INPP5J: variants seen among roughly 807,000 people sequenced by gnomAD.
INPP5J encodes inositol polyphosphate-5-phosphatase J.
In INPP5J, 75 loss-of-function variants were observed where a neutral mutation model predicts 86.6. The ratio of observed to expected loss-of-function variants is 0.87; its 90% confidence interval spans 0.72 to 1.05. The LOEUF (loss-of-function observed/expected upper bound fraction) is 1.05, where lower values mean the gene tolerates loss of function less well. Among genes scored for constraint, INPP5J ranks in the 50% least tolerant of loss-of-function variants. INPP5J has a pLI of 0.00. For missense variants in INPP5J, 1,229 were observed against 1,341.2 expected, an observed-to-expected ratio of 0.92 and a Z score of 1.31; for synonymous variants, 540 against 550.0, an observed-to-expected ratio of 0.98 and a Z score of 0.25.
chr22:31,129,231 A>AATTTT, intron 9 of INPP5J, among the ~76,000 whole-genome samples: 1 of 59,062 alleles, frequency 1.7e-5, no homozygotes, highest in East Asian at 8.5e-4. Context: ...TGTCTGGCCA[A>AATTTT]CTTTTTTTTT....
intron 9 of INPP5J, among the ~76,000 whole-genome samples, chr22:31,130,116 C>T (rs983183228): frequency 2.0e-5 from 3 of 151,536 alleles, no homozygotes; most frequent in African/African-American, 4.9e-5. Context: ...CTGATGTGGG[C>T]GGATCACATG....
rs756049931 is a variant in INPP5J at position 31,125,840 on chromosome 22, C to T, written c.1101C>T (p.Asp367=). ...NRSPCVPPAP[D]MALPRLGTQS... ...CTCCCTGTGTTCCCCCAGCCCCTGA[C>T]ATGGCCCTCCCAAGGCTTGGCACAC... is the stretch of plus-strand genomic sequence containing the variant. Residue 367 remains aspartate, a synonymous_variant, in exon 2 of 13, where the codon GAC becomes GAT. Coordinates refer to ENST00000331075, the MANE Select transcript of INPP5J (RefSeq NM_001284285.2). 2.5e-6 allele frequency: 4 copies of T among 1,608,948 alleles called. No homozygotes were observed. The East Asian group carries it at 8.9e-5, about 36-fold the overall frequency.
intron 3 of INPP5J, 23 bp downstream of exon 3, chr22:31,126,512 C>T (rs533261241): frequency 1.9e-6 from 3 of 1,608,502 alleles, no homozygotes; most frequent in Non-Finnish European, 2.6e-6. Context: ...GGCATGTGGA[C>T]CCCCTCCTGA....
chr22:31,124,418 GC>G (rs1469054365), intron 1 of INPP5J, among the ~76,000 whole-genome samples: 1 of 152,194 alleles, frequency 6.6e-6, no homozygotes. Flanking sequence ...AAAGAAACAG[GC>G]TGTCCCCAGT....
At position 31,128,607 on chromosome 22, in the gene INPP5J, T is replaced by C; in HGVS notation, c.2146T>C (p.Tyr716His). 1 of 1,610,960 alleles carries C rather than the reference T, an allele frequency of 6.2e-7. No homozygotes were observed. Among genetic ancestry groups the C allele is most frequent in the Non-Finnish European group, 8.5e-7 (1 of 1,178,610 alleles). Residue 716 changes from tyrosine (Y) to histidine (H), a missense_variant, in exon 9 of 13, where the codon TAC (tyrosine) becomes CAC (histidine). Tyr to His is a moderately conservative substitution (Grantham distance 83, BLOSUM62 2). Coordinates refer to ENST00000331075, the MANE Select transcript of INPP5J (RefSeq NM_001284285.2). ...TQHSYRSHME[Y>H]TVSDHKPVAA... The stretch of plus-strand genomic sequence containing the variant: ...GCACAGCTACCGCAGCCACATGGAA[T>C]ACACAGTCAGCGACCACAAGCCTGT...
At position 31,123,134 on chromosome 22, in the gene INPP5J, AC is replaced by A; in HGVS notation, c.105+18del. 6.9e-7 allele frequency: 1 copy of A among 1,441,150 alleles called. No homozygotes were observed. Among genetic ancestry groups the A allele is most frequent in the Non-Finnish European group, 9.2e-7 (1 of 1,090,696 alleles). 89.3% of individuals were successfully genotyped at this position (1,441,150 alleles called of 1,614,324 possible). ...CACCCTCCAAGGTAAGACCCCTGAG[AC>A]CCAGTGCCCCCCGCTTTCCTGATCC... On this transcript the variant is annotated intron_variant, in intron 1 of 12. Coordinates refer to ENST00000331075, the MANE Select transcript of INPP5J (RefSeq NM_001284285.2).
intron 9 of INPP5J, among the ~76,000 whole-genome samples, chr22:31,131,300 C>G (rs1922042613): frequency 1.3e-5 from 2 of 152,186 alleles, no homozygotes; most frequent in African/African-American, 2.4e-5. Context: ...TGCAGTGGCT[C>G]ACGCCTGTAA....
chr22:31,128,718 CT>C, intron 9 of INPP5J, 64 bp downstream of exon 9: 13 of 1,371,504 alleles, frequency 9.5e-6, no homozygotes, highest in South Asian at 2.7e-5. Context: ...ACCACTGCCC[CT>C]CACCATTACC....
rs1357159968 is a variant in INPP5J at position 31,125,444 on chromosome 22, T to C, written c.705T>C (p.Ala235=). 1 of 1,550,460 alleles carries C rather than the reference T, an allele frequency of 6.4e-7. No individual in the cohort carries two copies. Among genetic ancestry groups the C allele is most frequent in the Non-Finnish European group, 8.7e-7 (1 of 1,146,978 alleles). ...CAGCCTCTGTGGGACAGACATCAGC[T>C]AGAAAGAGGGATGCCCCAGCCCCTA... ...SGAASVGQTS[A]RKRDAPAPRP... Residue 235 remains alanine, a synonymous_variant, in exon 2 of 13, where the codon GCT becomes GCC. Transcript: ENST00000331075.
intron 9 of INPP5J, 144 bp from the exon 10 acceptor site, chr22:31,132,954 T>C: frequency 9.3e-7 from 1 of 1,079,982 alleles, no homozygotes; most frequent in Non-Finnish European, 1.3e-6. Flanking sequence ...GTATTTATAC[T>C]AGACCTGTTC....
At position 31,126,972 on chromosome 22, in the gene INPP5J, T is replaced by C; in HGVS notation, c.1546T>C (p.Tyr516His). The C allele has an allele frequency of 2.5e-6, 4 of 1,611,130 alleles. No individual in the cohort carries two copies. The highest frequency in any genetic ancestry group is 1.3e-5 in the African/African-American group (1 of 74,998). Residue 516 changes from tyrosine to histidine, a missense_variant, in exon 5 of 13, where the codon TAC becomes CAC. Coordinates refer to ENST00000331075, the MANE Select transcript of INPP5J (RefSeq NM_001284285.2). ...CATCCTGCTGCTGTTCGCCAAGTAC[T>C]ACCACCTGCCCTTCCTGCGAGACGT... ...GVILLLFAKYYHLPFLRDVQT... is the reference protein window; with the variant it reads ...GVILLLFAKYHHLPFLRDVQT...
At position 31,125,160 on chromosome 22, in the gene INPP5J, G is replaced by A; in HGVS notation, c.421G>A (p.Val141Met). ...TCTGGCTCCGACGTCCCTGGGGCTGGTGATGCCTGCCTCAGCAGGGCCAAG... is the reference window on the plus strand; with the variant it reads ...TCTGGCTCCGACGTCCCTGGGGCTGATGATGCCTGCCTCAGCAGGGCCAAG... ...SVLAPTSLGL[V>M]MPASAGPRSP... Residue 141 changes from valine to methionine, a missense_variant, in exon 2 of 13, where the codon GTG (valine) becomes ATG (methionine). By Grantham distance (21) the Val-to-Met change is conservative. Coordinates refer to ENST00000331075, the MANE Select transcript of INPP5J (RefSeq NM_001284285.2). 1 of 1,550,424 alleles carries A rather than the reference G, an allele frequency of 6.4e-7. No homozygotes were observed. Among genetic ancestry groups the A allele is most frequent in the South Asian group, 1.2e-5 (1 of 84,062 alleles).
chr22:31,123,686 G>A (rs368226849), intron 1 of INPP5J, among the ~76,000 whole-genome samples: 57 of 152,246 alleles, frequency 3.7e-4, no homozygotes, highest in African/African-American at 1.3e-3. Context: ...GCCTCCCTGC[G>A]CCCTGTTACC....
At chr22:31,131,535 C>CT (rs1922062886) in intron 9 of INPP5J, among the ~76,000 whole-genome samples, 3 of 151,812 alleles carry the variant, frequency 2.0e-5, no homozygotes, top group Admixed American at 2.0e-4. Context: ...TGCACTCCAG[C>CT]CTGGGCTACA....
chr22:31,128,994 A>G (rs10854604), intron 9 of INPP5J, among the ~76,000 whole-genome samples: 106,863 of 142,558 alleles, frequency 0.75, 40,674 homozygotes, highest in South Asian at 0.93. Flanking sequence ...GTGCAGTGGC[A>G]CGATCTTAGC....
At chr22:31,128,448 TG>T (rs1921723388) in intron 8 of INPP5J, 22 bp from the exon 9 acceptor site, 1 of 1,612,256 alleles carries the variant, frequency 6.2e-7, no homozygotes, top group African/African-American at 1.3e-5. Context: ...CCCTGAAACT[TG>T]GGGTACCCCT....
intron 5 of INPP5J, 123 bp downstream of exon 5, chr22:31,127,160 C>T (rs1921562416): frequency 2.4e-6 from 2 of 819,656 alleles, no homozygotes; most frequent in East Asian, 2.7e-5. Flanking sequence ...GGCCCAGCCC[C>T]CCCATGCACC....
Position 31,131,549 on chromosome 22 carries a change from C to T in INPP5J, c.2194-1549C>T, listed in dbSNP as rs1400985349. Among the ~76,000 whole-genome samples, 5 of 149,734 alleles carry T rather than the reference C, an allele frequency of 3.3e-5. 1 individual carries two copies. Among genetic ancestry groups the T allele is most frequent in the South Asian group, 4.2e-4 (2 of 4,742 alleles). ...CTGCACTCCAGCCTGGGCTACAGAG[C>T]GAGACTCTGTCTCAAAAAAAAAAAA... is the stretch of plus-strand genomic sequence containing the variant. On this transcript the variant is annotated intron_variant, in intron 9 of 12. Coordinates refer to ENST00000331075, the MANE Select transcript of INPP5J (RefSeq NM_001284285.2).
Position 31,126,424 on chromosome 22 carries a change from T to A in INPP5J, c.1320T>A (p.Asp440Glu). ...TGGGCACTGCCATGCCCCCAGACGA[T>A]GTCACATCCCTCCTCCACCTGGGCG... ...WNVGTAMPPD[D>E]VTSLLHLGGG... The change falls in exon 3 of 13, where the codon GAT becomes GAA. Residue 440 changes from aspartate (D) to glutamate (E), a missense_variant. Transcript: ENST00000331075. 6.2e-7 allele frequency: 1 copy of A among 1,613,820 alleles called. No homozygotes were observed. The highest frequency in any genetic ancestry group is 8.5e-7 in the Non-Finnish European group (1 of 1,179,842).
Sources: allele counts gnomAD v4.1 joint callset (sites outside exome capture counted in the v4.1 genomes callset), GRCh38; gene constraint gnomAD v4.1.1; transcripts MANE v1.5; gene names NCBI Gene and HGNC (gene_info 2026-07-23, HGNC 2026-07-21).